NRG3: variants seen among roughly 807,000 people sequenced by gnomAD.
The protein encoded by NRG3 is neuregulin 3, also known as pro-neuregulin-3, membrane-bound isoform.
In NRG3, 31 loss-of-function variants were observed where a neutral mutation model predicts 66.9. That is an observed-to-expected ratio of 0.46 (90% CI 0.35 to 0.63). NRG3 has a LOEUF of 0.63. NRG3 is among the 20% of genes least tolerant of loss of function. The probability of loss-of-function intolerance (pLI) is 0.00; values close to 1 mark genes in which losing one functional copy is unlikely to be tolerated. For missense variants in NRG3, 910 were observed against 878.9 expected, an observed-to-expected ratio of 1.04 and a Z score of -0.45; for synonymous variants, 393 against 359.4, an observed-to-expected ratio of 1.09 and a Z score of -1.06.
intron 2 of NRG3, among the ~76,000 whole-genome samples, chr10:82,722,631 G>A (rs1362547805): frequency 4.6e-5 from 7 of 152,010 alleles, no homozygotes; most frequent in Non-Finnish European, 1.0e-4. Flanking sequence ...ACACACACAG[G>A]ATAGCTTATT....
At chr10:82,734,023 C>T (rs987580509) in intron 2 of NRG3, among the ~76,000 whole-genome samples, 1 of 152,188 alleles carries the variant, frequency 6.6e-6, no homozygotes, top group Non-Finnish European at 1.5e-5. Flanking sequence ...CATTTTAAGT[C>T]TCTTCCTTAG....
intron 1 of NRG3, among the ~76,000 whole-genome samples, chr10:82,223,642 A>AACACACACAC (rs398014296): frequency 0.032 from 4,423 of 137,934 alleles, 84 homozygotes; most frequent in Non-Finnish European, 0.042. Context: ...AACCACCCCA[A>AACACACACAC]ACACACACAC....
intron 2 of NRG3, among the ~76,000 whole-genome samples, chr10:82,564,776 C>T (rs1590689898): frequency 6.6e-6 from 1 of 151,996 alleles, no homozygotes. Context: ...AAAAATATGG[C>T]AATTATTTCT....
At chr10:82,753,870 C>T (rs749174473) in intron 3 of NRG3, among the ~76,000 whole-genome samples, 2 of 150,880 alleles carry the variant, frequency 1.3e-5, no homozygotes, top group Non-Finnish European at 2.9e-5. Flanking sequence ...TTGCTTGAGC[C>T]AGGGAGTCAG....
At chr10:82,503,652 T>G (rs558727028) in intron 2 of NRG3, among the ~76,000 whole-genome samples, 1 of 152,304 alleles carries the variant, frequency 6.6e-6, no homozygotes, top group South Asian at 2.1e-4. Context: ...AAATAGTTTT[T>G]GAGTGTAGGG....
At chr10:82,809,269 A>G (rs1282598421) in intron 3 of NRG3, among the ~76,000 whole-genome samples, 1 of 152,188 alleles carries the variant, frequency 6.6e-6, no homozygotes, top group Non-Finnish European at 1.5e-5. Context: ...GTCTCAGGGC[A>G]TATTAAACAA....
chr10:82,318,229 A>C (rs2081391242), intron 1 of NRG3, among the ~76,000 whole-genome samples: 1 of 152,140 alleles, frequency 6.6e-6, no homozygotes, highest in Non-Finnish European at 1.5e-5. Flanking sequence ...TGTAGCTTTC[A>C]TCTTGTAGCC....
At chr10:82,035,114 A>G (rs1444576292) in intron 1 of NRG3, among the ~76,000 whole-genome samples, 3 of 152,006 alleles carry the variant, frequency 2.0e-5, no homozygotes, top group African/African-American at 4.8e-5. Context: ...GCTTGCACAT[A>G]TGCTTCCAGA....
At chr10:82,069,248 C>T (rs953552283) in intron 1 of NRG3, among the ~76,000 whole-genome samples, 2 of 152,082 alleles carry the variant, frequency 1.3e-5, no homozygotes, top group Admixed American at 6.5e-5. Context: ...CTTCACCTAA[C>T]GTTGGCAAAA....
intron 1 of NRG3, among the ~76,000 whole-genome samples, chr10:82,198,533 T>G (rs941920082): frequency 3.3e-5 from 5 of 152,168 alleles, no homozygotes; most frequent in African/African-American, 1.2e-4. Context: ...TTCAACTTCT[T>G]GTACAGTCAC....
chr10:82,484,776 A>G (rs1028271111), intron 2 of NRG3, among the ~76,000 whole-genome samples: 2 of 152,210 alleles, frequency 1.3e-5, no homozygotes, highest in African/African-American at 4.8e-5. Flanking sequence ...CAATGTTGGC[A>G]AAGAATATAG....
intron 1 of NRG3, among the ~76,000 whole-genome samples, chr10:82,159,046 A>C (rs2071386604): frequency 6.6e-6 from 1 of 151,878 alleles, no homozygotes; most frequent in Non-Finnish European, 1.5e-5. Context: ...TAGGCTTCAA[A>C]TTCCTTTTAA....
At chr10:82,040,756 C>T (rs1176213719) in intron 1 of NRG3, among the ~76,000 whole-genome samples, 1 of 152,034 alleles carries the variant, frequency 6.6e-6, no homozygotes, top group Admixed American at 6.6e-5. Flanking sequence ...CTGTCCACTA[C>T]ATTAACCTGC....
chr10:81,961,399 C>T (rs1209521230), intron 1 of NRG3, among the ~76,000 whole-genome samples: 2 of 152,212 alleles, frequency 1.3e-5, no homozygotes, highest in African/African-American at 4.8e-5. Flanking sequence ...GGGAGATCTT[C>T]TAAATCTGCT....
At chr10:82,966,128 A>G (rs1851186900) in intron 6 of NRG3, among the ~76,000 whole-genome samples, 2 of 152,146 alleles carry the variant, frequency 1.3e-5, no homozygotes, top group Admixed American at 6.5e-5. Context: ...TGAAACTAAC[A>G]AACTAATAAG....
chr10:82,100,762 G>A (rs1264133902), intron 1 of NRG3, among the ~76,000 whole-genome samples: 1 of 151,864 alleles, frequency 6.6e-6, no homozygotes, highest in Non-Finnish European at 1.5e-5. Context: ...TGCTGTTTTT[G>A]GTTTTCTAAT....
At chr10:82,901,506 C>T (rs572467527) in intron 4 of NRG3, among the ~76,000 whole-genome samples, 1 of 152,278 alleles carries the variant, frequency 6.6e-6, no homozygotes, top group Admixed American at 6.5e-5. Context: ...TGCCCAGAGG[C>T]CTCCTCATTC....
At chr10:82,418,773 C>CT (rs111436902) in intron 2 of NRG3, among the ~76,000 whole-genome samples, 34 of 148,840 alleles carry the variant, frequency 2.3e-4, no homozygotes, top group Non-Finnish European at 4.3e-4. Context: ...ATATTTTTTT[C>CT]TTTTTTTTTT....
chr10:82,808,956 C>A (rs1336130201), intron 3 of NRG3, among the ~76,000 whole-genome samples: 2 of 152,036 alleles, frequency 1.3e-5, no homozygotes. Context: ...TTGGCTTGAG[C>A]CTTGAGGAAT....
Sources: gnomAD v4.1 joint callset for allele counts (sites outside exome capture counted in the v4.1 genomes callset) on GRCh38, gnomAD v4.1.1 for gene constraint, MANE v1.5 for transcripts, NCBI Gene and HGNC (gene_info 2026-07-23, HGNC 2026-07-21) for gene names.